Variants in SOBP observed in about 807,000 individuals in gnomAD.
SOBP encodes sine oculis binding protein homolog.
Under a neutral mutation model 53.6 loss-of-function variants are expected in SOBP, and 4 were observed. That is an observed-to-expected ratio of 0.07 (90% CI 0.04 to 0.17). SOBP has a LOEUF of 0.17. Among genes scored for constraint, SOBP ranks in the 10% least tolerant of loss-of-function variants. The pLI is 1.00. For synonymous variants in SOBP, 584 were observed against 522.6 expected, an observed-to-expected ratio of 1.12 and a Z score of -1.60; for missense variants, 1,088 against 1,204.7, an observed-to-expected ratio of 0.90 and a Z score of 1.43.
At chr6:107,630,770 C>CTT (rs1770681965) in intron 5 of SOBP, among the ~76,000 whole-genome samples, 1 of 151,930 alleles carries the variant, frequency 6.6e-6, no homozygotes, top group African/African-American at 2.4e-5. Flanking sequence ...CTCTCTCTCT[C>CTT]TCTCTCTCTC....
chr6:107,651,785 A>G lies in SOBP; in HGVS notation c.*4-6422A>G, dbSNP rs545023612. Among the ~76,000 whole-genome samples, 4 of 152,288 alleles carry G rather than the reference A, an allele frequency of 2.6e-5. No homozygotes were observed. In the South Asian group the frequency reaches 8.3e-4, roughly 32 times the overall value. ...GGGGCTAATGCTGCCGGTGACCTTAAGTGGAAGCCAGTGTTCACTTACTGT... is the reference window on the plus strand; with the variant it reads ...GGGGCTAATGCTGCCGGTGACCTTAGGTGGAAGCCAGTGTTCACTTACTGT... On this transcript the variant is annotated intron_variant, in intron 6 of 6. Coordinates refer to ENST00000317357, the MANE Select transcript of SOBP (RefSeq NM_018013.4).
chr6:107,564,125 C>G (rs987424445), intron 4 of SOBP, among the ~76,000 whole-genome samples: 1 of 152,112 alleles, frequency 6.6e-6, no homozygotes, highest in African/African-American at 2.4e-5. Flanking sequence ...AATGCACACC[C>G]AAATGTGCGC....
intron 5 of SOBP, among the ~76,000 whole-genome samples, chr6:107,616,165 C>T (rs956104597): frequency 6.7e-6 from 1 of 150,298 alleles, no homozygotes; most frequent in Non-Finnish European, 1.5e-5. Flanking sequence ...TGGAGCCTTT[C>T]CTGTGCACTC....
intron 5 of SOBP, among the ~76,000 whole-genome samples, chr6:107,591,962 T>A (rs1253340952): frequency 1.6e-5 from 2 of 128,068 alleles, no homozygotes; most frequent in African/African-American, 5.9e-5. Flanking sequence ...GATTTGGTCT[T>A]TTGGTGTTTT....
intron 4 of SOBP, among the ~76,000 whole-genome samples, chr6:107,576,395 C>T (rs563418902): frequency 6.6e-6 from 1 of 152,176 alleles, no homozygotes; most frequent in African/African-American, 2.4e-5. Context: ...CTAAAGAAAT[C>T]TTATCTTTAA....
intron 5 of SOBP, among the ~76,000 whole-genome samples, chr6:107,624,389 T>G (rs1770364221): frequency 6.6e-6 from 1 of 152,190 alleles, no homozygotes; most frequent in African/African-American, 2.4e-5. Flanking sequence ...TGGGAACTTG[T>G]GCCCTGGGAA....
chr6:107,587,058 A>G, intron 4 of SOBP, 22 bp from the exon 5 acceptor site: 1 of 1,584,176 alleles, frequency 6.3e-7, no homozygotes, highest in Non-Finnish European at 8.7e-7. Context: ...GTCCCTAAAT[A>G]GGCCATTATA....
intron 5 of SOBP, among the ~76,000 whole-genome samples, chr6:107,600,537 TA>T (rs34572615): frequency 0.23 from 34,377 of 147,104 alleles, 4,994 homozygotes; most frequent in East Asian, 0.43. Context: ...AATCTACTGT[TA>T]AAAAAAAAAA....
At chr6:107,611,045 T>G (rs922341536) in intron 5 of SOBP, among the ~76,000 whole-genome samples, 1 of 152,228 alleles carries the variant, frequency 6.6e-6, no homozygotes, top group Non-Finnish European at 1.5e-5. Flanking sequence ...CCAGAAGACT[T>G]GCTGTCCAGT....
chr6:107,656,333 A>C (rs544105259), intron 6 of SOBP, among the ~76,000 whole-genome samples: 165 of 4,852 alleles, frequency 0.034, 1 homozygote, highest in African/African-American at 0.059. Context: ...GAAAGAAAGA[A>C]AGAAAGAAAG....
chr6:107,648,743 T>C (rs1430309251), intron 6 of SOBP, among the ~76,000 whole-genome samples: 1 of 151,846 alleles, frequency 6.6e-6, no homozygotes, highest in East Asian at 2.0e-4. Flanking sequence ...GAAGCTGGAC[T>C]TCCATCCACC....
rs770921003 is a variant in SOBP, at chr6:107,654,187, G to A, written c.*4-4020G>A. Among the ~76,000 whole-genome samples, 11 of 152,336 alleles carry A rather than the reference G, an allele frequency of 7.2e-5. No homozygotes were observed. In the East Asian group the frequency reaches 9.6e-4, roughly 13 times the overall value. ...TGAAGATAGCTGGTCATACATGCCC[G>A]ATGGAGACCATGCCTTGTGGTGCCA... On this transcript the variant is annotated intron_variant, in intron 6 of 6. Transcript: ENST00000317357.
At chr6:107,560,427 C>A (rs1193869875) in intron 4 of SOBP, among the ~76,000 whole-genome samples, 1 of 152,118 alleles carries the variant, frequency 6.6e-6, no homozygotes, top group Non-Finnish European at 1.5e-5. Context: ...CTTTGTCCAC[C>A]CAATGACGGA....
chr6:107,648,995 A>G (rs2115172179), intron 6 of SOBP, among the ~76,000 whole-genome samples: 1 of 151,890 alleles, frequency 6.6e-6, no homozygotes, highest in African/African-American at 2.4e-5. Context: ...TGAGCCCAGG[A>G]GTTTGAGACC....
intron 4 of SOBP, among the ~76,000 whole-genome samples, chr6:107,575,999 C>G (rs528884437): frequency 1.4e-4 from 21 of 152,192 alleles, no homozygotes; most frequent in Admixed American, 1.2e-3. Flanking sequence ...ATTTATGAAG[C>G]CTCTTCACCT....
At position 107,635,789 on chromosome 6, in the gene SOBP, C is replaced by T. The variant is rs1232144190; in HGVS notation, c.*3+320C>T. ...TCTCCAATTACACTTTATTATCATG[C>T]TCATCTCCGTAAATCACCCTATTGG... On this transcript the variant is annotated intron_variant, in intron 6 of 6. Coordinates refer to ENST00000317357, the MANE Select transcript of SOBP (RefSeq NM_018013.4). This position sits in a 1 kb window ranked among gnomAD's most constrained non-coding sequence, Gnocchi z 4.5. Among the ~76,000 whole-genome samples the T allele has an allele frequency of 6.6e-6, 1 of 152,184 alleles. No homozygotes were observed. Among genetic ancestry groups the T allele is most frequent in the Admixed American group, 6.5e-5 (1 of 15,288 alleles).
At chr6:107,608,161 C>T (rs1786459195) in intron 5 of SOBP, among the ~76,000 whole-genome samples, 1 of 152,196 alleles carries the variant, frequency 6.6e-6, no homozygotes, top group South Asian at 2.1e-4. Context: ...AAACATCTTA[C>T]ATCTTATACA....
At chr6:107,491,486 C>T (rs1275870007) in intron 1 of SOBP, among the ~76,000 whole-genome samples, 1 of 152,266 alleles carries the variant, frequency 6.6e-6, no homozygotes, top group Non-Finnish European at 1.5e-5. Flanking sequence ...CAGCGGTGCA[C>T]CAGAGGTGGA....
intron 5 of SOBP, among the ~76,000 whole-genome samples, chr6:107,591,671 A>C (rs1452804007): frequency 6.6e-6 from 1 of 152,202 alleles, no homozygotes. Context: ...TCCCATATGC[A>C]GGGGTTTCAA....
Sources: allele counts gnomAD v4.1 joint callset (sites outside exome capture counted in the v4.1 genomes callset), GRCh38; gene constraint gnomAD v4.1.1; non-coding constraint Gnocchi (gnomAD v3.1); transcripts MANE v1.5; gene names NCBI Gene and HGNC (gene_info 2026-07-23, HGNC 2026-07-21).